Variants in PDZD2 observed in about 807,000 individuals in gnomAD.
PDZD2 encodes the protein PDZ domain-containing protein 2.
A neutral mutation model predicts 220.7 loss-of-function variants in PDZD2; 90 were observed. The ratio of observed to expected loss-of-function variants is 0.41; its 90% CI spans 0.34 to 0.49. PDZD2 has a LOEUF of 0.49. PDZD2 is among the 20% of genes least tolerant of loss of function. PDZD2 has a pLI of 0.28. For synonymous variants in PDZD2, 1,375 were observed against 1,450.5 expected (o/e 0.95, Z 1.18); for missense variants, 3,174 against 3,608.5 (o/e 0.88, Z 3.08).
At chr5:31,862,468 C>CTA in intron 2 of PDZD2, among the ~76,000 whole-genome samples, 1 of 152,100 alleles carries the variant, frequency 6.6e-6, no homozygotes, top group East Asian at 1.9e-4. Context: ...ATTTGCACAC[C>CTA]TATATCCCCA....
chr5:32,060,516 G>C (rs1318089396), intron 13 of PDZD2, among the ~76,000 whole-genome samples: 1 of 152,174 alleles, frequency 6.6e-6, no homozygotes, highest in Non-Finnish European at 1.5e-5. Context: ...CAAGATGGTA[G>C]GAAGAGAGAA....
At chr5:31,655,694 TA>T (rs1745523176) in intron 1 of PDZD2, among the ~76,000 whole-genome samples, 2 of 152,252 alleles carry the variant, frequency 1.3e-5, no homozygotes, top group Admixed American at 6.5e-5. Flanking sequence ...ATTTTTCATT[TA>T]AACACTGATG....
intron 2 of PDZD2, among the ~76,000 whole-genome samples, chr5:31,874,388 T>C (rs932316549): frequency 2.0e-5 from 3 of 152,146 alleles, no homozygotes; most frequent in African/African-American, 4.8e-5. Flanking sequence ...AAGGATGGGA[T>C]TATAAATAAA....
chr5:31,886,599 G>A (rs78673059), intron 2 of PDZD2, among the ~76,000 whole-genome samples: 2,910 of 131,282 alleles, frequency 0.022, 45 homozygotes, highest in Non-Finnish European at 0.031. Context: ...CCTCAGCCAC[G>A]GCCCAGGGTG....
chr5:31,739,354 A>G (rs77325986), intron 1 of PDZD2, among the ~76,000 whole-genome samples: 5,816 of 152,250 alleles, frequency 0.038, 379 homozygotes, highest in African/African-American at 0.13. Context: ...TCATCAGAGC[A>G]TCATTTATGG....
intron 2 of PDZD2, chr5:31,908,537 C>T (rs1319534970): frequency 6.6e-6 from 7 of 1,063,674 alleles, no homozygotes; most frequent in African/African-American, 1.6e-5. Flanking sequence ...GGCGAGGGCA[C>T]GGAAAGCACA....
chr5:31,864,109 G>A (rs751178098), intron 2 of PDZD2, among the ~76,000 whole-genome samples: 5 of 152,160 alleles, frequency 3.3e-5, no homozygotes, highest in Non-Finnish European at 7.3e-5. Flanking sequence ...GGGATCAGAG[G>A]AGGAGGAAAG....
In PDZD2 at chr5:31,643,913, G is replaced by A. The variant is rs373732089; in HGVS notation, c.-361+4476G>A. Among the ~76,000 whole-genome samples, 8 of 151,590 alleles carry A rather than the reference G, an allele frequency of 5.3e-5. No homozygotes were observed. The South Asian group carries it at 8.3e-4, about 16-fold the overall frequency. ...GGCTCACAGCAGCCTTGACCTCCCC[G>A]GCTCCAGTGATCCTTCCACCTCAGC... On this transcript the variant is annotated intron_variant, in intron 1 of 24. Coordinates refer to ENST00000438447, the MANE Select transcript of PDZD2 (RefSeq NM_178140.4).
chr5:31,802,988 A>T (rs961709803), intron 2 of PDZD2, among the ~76,000 whole-genome samples: 2 of 151,478 alleles, frequency 1.3e-5, no homozygotes, highest in African/African-American at 4.9e-5. Context: ...AGATCTGTAG[A>T]AACAGGAGGC....
chr5:31,843,106 C>T (rs1757408315), intron 2 of PDZD2, among the ~76,000 whole-genome samples: 1 of 152,096 alleles, frequency 6.6e-6, no homozygotes, highest in Non-Finnish European at 1.5e-5. Context: ...GTCTCGAACT[C>T]CTGACCTCAG....
intron 1 of PDZD2, among the ~76,000 whole-genome samples, chr5:31,761,284 T>G (rs560481863): frequency 6.6e-6 from 1 of 152,234 alleles, no homozygotes; most frequent in African/African-American, 2.4e-5. Flanking sequence ...ATTAGTTTGG[T>G]GACTGACTGC....
At chr5:31,833,852 G>A (rs1756783728) in intron 2 of PDZD2, among the ~76,000 whole-genome samples, 2 of 152,312 alleles carry the variant, frequency 1.3e-5, no homozygotes, top group African/African-American at 4.8e-5. Flanking sequence ...CCCCTGGTGG[G>A]GACTATGGCC....
At chr5:32,005,453 C>CT (rs11400870) in intron 5 of PDZD2, among the ~76,000 whole-genome samples, 39,809 of 150,426 alleles carry the variant, frequency 0.26, 5,315 homozygotes, top group African/African-American at 0.3. Context: ...CTCTTGCTCG[C>CT]TTTTTTGCTT....
At chr5:31,719,470 T>C (rs1191678285) in intron 1 of PDZD2, among the ~76,000 whole-genome samples, 1 of 152,212 alleles carries the variant, frequency 6.6e-6, no homozygotes, top group East Asian at 1.9e-4. Flanking sequence ...TGCCAGAGTT[T>C]TAAAGTTTCT....
chr5:31,710,563 A>G (rs527792090), intron 1 of PDZD2, among the ~76,000 whole-genome samples: 1 of 152,282 alleles, frequency 6.6e-6, no homozygotes, highest in Non-Finnish European at 1.5e-5. Context: ...CATGCCTGTA[A>G]TCTCAGCACT....
chr5:31,793,153 A>G (rs940992211), intron 1 of PDZD2, among the ~76,000 whole-genome samples: 2 of 151,232 alleles, frequency 1.3e-5, no homozygotes, highest in Non-Finnish European at 2.9e-5. Context: ...GTGCTTATTT[A>G]GAACAGTGTC....
intron 1 of PDZD2, chr5:31,754,692 A>G (rs1205287416): frequency 1.3e-5 from 2 of 152,130 alleles, no homozygotes; most frequent in Non-Finnish European, 1.5e-5. Flanking sequence ...GAAGTCAGAG[A>G]GCCTGAATTT....
intron 6 of PDZD2, among the ~76,000 whole-genome samples, chr5:32,024,679 TC>T (rs1754478315): frequency 2.4e-5 from 1 of 41,886 alleles, no homozygotes; most frequent in Non-Finnish European, 7.4e-5. Context: ...CAAGACTTCA[TC>T]TCAAAAAAAA....
At chr5:31,751,286 C>T (rs1234253071) in intron 1 of PDZD2, among the ~76,000 whole-genome samples, 1 of 150,408 alleles carries the variant, frequency 6.6e-6, no homozygotes, top group African/African-American at 2.4e-5. Flanking sequence ...TTGACCGTTT[C>T]TCCAGTGTGG....
Sources: allele counts gnomAD v4.1 joint callset (sites outside exome capture counted in the v4.1 genomes callset), GRCh38; gene constraint gnomAD v4.1.1; transcripts MANE v1.5; gene names NCBI Gene and HGNC (gene_info 2026-07-23, HGNC 2026-07-21).